LMO3: variants seen among roughly 807,000 people sequenced by gnomAD.
LMO3 encodes LIM domain only protein 3.
Under a neutral mutation model 15.8 loss-of-function variants are expected in LMO3, and 2 were observed. The ratio of observed to expected loss-of-function variants is 0.13; its 90% confidence interval spans 0.05 to 0.40. The LOEUF (loss-of-function observed/expected upper bound fraction) is 0.40, where lower values mean the gene tolerates loss of function less well. Ranked by LOEUF, LMO3 falls within the 10% of genes least tolerant of loss-of-function variation. The pLI, the probability that LMO3 is intolerant of heterozygous loss-of-function variation, is 0.99. For missense variants in LMO3, 86 were observed against 182.2 expected, an observed-to-expected ratio of 0.47 and a Z score of 3.04; for synonymous variants, 62 against 63.8, an observed-to-expected ratio of 0.97 and a Z score of 0.13.
rs1227509047 is a variant in LMO3, at chr12:16,560,184, C to T, written c.332+229G>A. ...AAGTCAGAGTTTACGGTAGTGTTTC[C>T]ATTTTCTGTTACTTGCTCTTATATG... is the stretch of plus-strand genomic sequence containing the variant. On this transcript the variant is annotated intron_variant, in intron 3 of 3. Transcript: ENST00000537304. This position sits in a 1 kb window ranked among gnomAD's most constrained non-coding sequence, Gnocchi z 5.0. 1.3e-5 allele frequency among the ~76,000 whole-genome samples: 2 copies of T among 152,054 alleles called. No individual in the cohort carries two copies. The highest frequency in any genetic ancestry group is 4.8e-5 in the African/African-American group (2 of 41,404).
chr12:16,571,852 T>C (rs1257498583), intron 2 of LMO3, among the ~76,000 whole-genome samples: 2 of 152,060 alleles, frequency 1.3e-5, no homozygotes, highest in Admixed American at 6.5e-5. Context: ...TAACATTGTC[T>C]TAAAACTCAT....
chr12:16,560,555 T>C lies in LMO3; in HGVS notation c.207-17A>G, dbSNP rs1246230869. On this transcript the variant is annotated splice_polypyrimidine_tract_variant and intron_variant, in intron 2 of 3. Coordinates refer to ENST00000537304, the MANE Select transcript of LMO3 (RefSeq NM_018640.5). This position sits in a 1 kb window ranked among gnomAD's most constrained non-coding sequence, Gnocchi z 5.0. ...CCAAAGAGCCTAGAATAAGAAACAT[T>C]TTTTTTTTTTTACAAACTCTTACAG... 29 of 1,464,002 alleles carry C rather than the reference T, an allele frequency of 2.0e-5. No homozygotes were observed. The highest frequency in any genetic ancestry group is 2.5e-5 in the Non-Finnish European group (28 of 1,100,838). 90.7% of individuals were successfully genotyped at this position (1,464,002 alleles called of 1,614,324 possible).
Position 16,588,848 on chromosome 12 carries a change from CCTTAT to C in LMO3, c.206+11802_206+11806del, listed in dbSNP as rs763474369. Among the ~76,000 whole-genome samples the C allele has an allele frequency of 7.2e-5, 11 of 152,078 alleles. No individual in the cohort carries two copies. The South Asian group carries it at 8.3e-4, about 11-fold the overall frequency. The stretch of plus-strand genomic sequence containing the variant: ...ATCTTCTCCTCATGTTTAATTTCTC[CCTTAT>C]CTTATCTTCATAACTCAGTGCCATT... On this transcript the variant is annotated intron_variant, in intron 2 of 3. Transcript: ENST00000537304.
intron 3 of LMO3, among the ~76,000 whole-genome samples, chr12:16,554,563 C>T (rs1402144665): frequency 1.3e-5 from 2 of 152,214 alleles, no homozygotes; most frequent in Admixed American, 1.3e-4. Flanking sequence ...CATCTCACTG[C>T]TAACAACCCT....
At chr12:16,552,531 A>G (rs1452873705) in intron 3 of LMO3, among the ~76,000 whole-genome samples, 3 of 152,182 alleles carry the variant, frequency 2.0e-5, no homozygotes, top group South Asian at 2.1e-4. Context: ...TTTTTTTCCA[A>G]CTGGGTAGCT....
In LMO3 at chr12:16,597,668, G is replaced by A. The variant is rs1256297067; in HGVS notation, c.206+2987C>T. 1 of 151,754 alleles carries A rather than the reference G, an allele frequency of 6.6e-6. No individual in the cohort carries two copies. Among genetic ancestry groups the A allele is most frequent in the East Asian group, 1.9e-4 (1 of 5,190 alleles). The allele number at this position is 151,754 out of a possible 1,614,324, so 9.4% of individuals were successfully genotyped here. A position where few individuals can be genotyped will look rare whatever the true frequency, so the allele number is the denominator to read the frequency against. On this transcript the variant is annotated intron_variant, in intron 2 of 3. Coordinates refer to ENST00000537304, the MANE Select transcript of LMO3 (RefSeq NM_018640.5). This position sits in a 1 kb window ranked among gnomAD's most constrained non-coding sequence, Gnocchi z 5.0. ...TATTACTTTCCTTATTCTTACTTAT[G>A]TTCTTAATAATTTAGACATGAAATA...
At chr12:16,600,605 G>C (rs754539872) in intron 2 of LMO3, 50 bp downstream of exon 2, 3 of 1,484,602 alleles carry the variant, frequency 2.0e-6, no homozygotes, top group Non-Finnish European at 2.8e-6. Flanking sequence ...ACTTACAAAA[G>C]TACTTTAAAA....
At chr12:16,581,187 G>C (rs1031767043) in intron 2 of LMO3, among the ~76,000 whole-genome samples, 1 of 152,110 alleles carries the variant, frequency 6.6e-6, no homozygotes, top group African/African-American at 2.4e-5. Context: ...TGGGGACCTC[G>C]GAGTAAGTCC....
chr12:16,607,000 C>T (rs1476532047), upstream of LMO3: 3 of 152,228 alleles, frequency 2.0e-5, no homozygotes, highest in Non-Finnish European at 4.4e-5. Context: ...CAAACTGCTA[C>T]CAGAATACCC....
intron 2 of LMO3, among the ~76,000 whole-genome samples, chr12:16,572,162 A>C (rs1942833725): frequency 6.6e-6 from 1 of 151,926 alleles, no homozygotes; most frequent in Non-Finnish European, 1.5e-5. Context: ...GCTTTCCATA[A>C]TAAATTACCA....
At position 16,604,116 on chromosome 12, in the gene LMO3, C is replaced by A. The variant is rs1943915092; in HGVS notation, c.-9+1950G>T. Among the ~76,000 whole-genome samples, 1 of 152,178 alleles carries A rather than the reference C, an allele frequency of 6.6e-6. No individual in the cohort carries two copies. On this transcript the variant is annotated intron_variant, in intron 1 of 3. Coordinates refer to ENST00000537304, the MANE Select transcript of LMO3 (RefSeq NM_018640.5). This position sits in a 1 kb window ranked among gnomAD's most constrained non-coding sequence, Gnocchi z 5.3. Reference sequence around the variant, plus strand: ...TGGCCATTCGATTGCCAAGAGGCACCAGACAAAAGATTTTCTCTCCTCCTG... The same window carrying A: ...TGGCCATTCGATTGCCAAGAGGCACAAGACAAAAGATTTTCTCTCCTCCTG...
Position 16,582,248 on chromosome 12 carries a change from C to T in LMO3, c.206+18407G>A, listed in dbSNP as rs1388899298. On this transcript the variant is annotated intron_variant, in intron 2 of 3. Coordinates refer to ENST00000537304, the MANE Select transcript of LMO3 (RefSeq NM_018640.5). The surrounding 1 kb of genome is among the most constrained non-coding windows in gnomAD (Gnocchi z 4.1). ...ACAGACTGCCATAACTATGGTGTTT[C>T]TTCCTCCAGTTTGATAATACAATGA... Among the ~76,000 whole-genome samples, 13 of 152,146 alleles carry T rather than the reference C, an allele frequency of 8.5e-5. No individual in the cohort carries two copies. The highest frequency in any genetic ancestry group is 8.5e-4 in the Admixed American group (13 of 15,272).
rs1269005575 is a variant in LMO3 at position 16,589,830 on chromosome 12, G to C, written c.206+10825C>G. The stretch of plus-strand genomic sequence containing the variant: ...CAGGAAGAACAGAGGGGGACTGTTA[G>C]AAATTGTAACAGAAAAAAGCCCCCA... On this transcript the variant is annotated intron_variant, in intron 2 of 3. Transcript: ENST00000537304. This position sits in a 1 kb window ranked among gnomAD's most constrained non-coding sequence, Gnocchi z 4.2. 6.6e-6 allele frequency among the ~76,000 whole-genome samples: 1 copy of C among 152,062 alleles called. No individual in the cohort carries two copies. Among genetic ancestry groups the C allele is most frequent in the Non-Finnish European group, 1.5e-5 (1 of 67,988 alleles).
At position 16,560,637 on chromosome 12, in the gene LMO3, C is replaced by A; in HGVS notation, c.207-99G>T. On this transcript the variant is annotated intron_variant, in intron 2 of 3. Transcript: ENST00000537304. This position sits in a 1 kb window ranked among gnomAD's most constrained non-coding sequence, Gnocchi z 5.0. ...TAATATACTCTGTAAAGCTACAATA[C>A]ACAATGCTTTATGATGTACACAAGT... is the stretch of plus-strand genomic sequence containing the variant. The A allele has an allele frequency of 9.4e-7, 1 of 1,060,316 alleles. No homozygotes were observed. The highest frequency in any genetic ancestry group is 1.4e-6 in the Non-Finnish European group (1 of 719,390). 65.7% of individuals were successfully genotyped at this position (1,060,316 alleles called of 1,614,324 possible).
chr12:16,578,648 T>G (rs1943066395), intron 2 of LMO3, among the ~76,000 whole-genome samples: 1 of 152,028 alleles, frequency 6.6e-6, no homozygotes, highest in African/African-American at 2.4e-5. Flanking sequence ...TGAAGCCCCA[T>G]GTCTACTAAA....
At position 16,551,236 on chromosome 12, in the gene LMO3, G is replaced by T. The variant is rs143969842; in HGVS notation, c.424C>A (p.Pro142Thr). 1.2e-6 allele frequency: 2 copies of T among 1,604,208 alleles called. No individual in the cohort carries two copies. Among genetic ancestry groups the T allele is most frequent in the Non-Finnish European group, 8.5e-7 (1 of 1,171,080 alleles). Reference sequence around the variant, plus strand: ...ATGTTGATAGATCAGCGAACCTGGGGTGCATAACCTTCTTTCATTAAACCT... The same window carrying T: ...ATGTTGATAGATCAGCGAACCTGGGTTGCATAACCTTCTTTCATTAAACCT... ...EEGLMKEGYA[P>T]QVR The change falls in exon 4 of 4, where the codon CCC becomes ACC. Residue 142 changes from proline (P) to threonine (T), a missense_variant. By Grantham distance (38) the Pro-to-Thr change is conservative. Coordinates refer to ENST00000537304, the MANE Select transcript of LMO3 (RefSeq NM_018640.5).
intron 3 of LMO3, among the ~76,000 whole-genome samples, chr12:16,558,773 G>C (rs140581013): frequency 6.6e-6 from 1 of 152,264 alleles, no homozygotes; most frequent in African/African-American, 2.4e-5. Flanking sequence ...TGCCTTGTGG[G>C]AAAGTCAAGT....
intron 2 of LMO3, 101 bp downstream of exon 2, chr12:16,600,554 A>G: frequency 1.0e-6 from 1 of 976,628 alleles, no homozygotes; most frequent in Non-Finnish European, 1.6e-6. Context: ...TCAGGAATAT[A>G]AGCTGGCAGT....
chr12:16,573,547 G>C (rs1169748748), intron 2 of LMO3: 1 of 152,192 alleles, frequency 6.6e-6, no homozygotes, highest in Admixed American at 6.5e-5. Context: ...AAGGCGATAA[G>C]GGGGGCAGTT....
Sources: gnomAD v4.1 joint callset for allele counts (sites outside exome capture counted in the v4.1 genomes callset) on GRCh38, gnomAD v4.1.1 for gene constraint, Gnocchi (gnomAD v3.1) non-coding constraint, MANE v1.5 for transcripts, NCBI Gene and HGNC (gene_info 2026-07-23, HGNC 2026-07-21) for gene names.